The following SAE1 variants were observed in gnomAD, a reference collection of about 807,000 sequenced individuals.
The protein encoded by SAE1 is SUMO1 activating enzyme subunit 1.
Under a neutral mutation model 40.6 loss-of-function variants are expected in SAE1, and 11 were observed. The observed-to-expected ratio is 0.27, with a 90% CI of 0.17 to 0.45. SAE1 has a LOEUF of 0.45. Among genes scored for constraint, SAE1 ranks in the 20% least tolerant of loss-of-function variants. The pLI is 1.00. For missense variants in SAE1, 373 were observed against 427.3 expected, an observed-to-expected ratio of 0.87 and a Z score of 1.12; for synonymous variants, 155 against 154.3, an observed-to-expected ratio of 1.00 and a Z score of -0.03.
intron 6 of SAE1, among the ~76,000 whole-genome samples, chr19:47,182,490 T>C (rs893551271): frequency 2.1e-5 from 3 of 141,334 alleles, no homozygotes; most frequent in South Asian, 2.2e-4. Context: ...TGTGTGTGTG[T>C]GTGTGTGCGC....
chr19:47,134,152 T>C (rs1369149014), intron 1 of SAE1, among the ~76,000 whole-genome samples: 1 of 152,146 alleles, frequency 6.6e-6, no homozygotes, highest in African/African-American at 2.4e-5. Context: ...TGAGCCACCA[T>C]GCCCGGCCTC....
intron 6 of SAE1, among the ~76,000 whole-genome samples, chr19:47,194,623 C>T (rs182949803): frequency 2.6e-5 from 4 of 152,064 alleles, no homozygotes; most frequent in East Asian, 3.9e-4. Flanking sequence ...AGACAAGGCT[C>T]GAGACTGGCT....
intron 2 of SAE1, among the ~76,000 whole-genome samples, chr19:47,144,594 G>C (rs2058243273): frequency 6.6e-6 from 1 of 151,780 alleles, no homozygotes; most frequent in African/African-American, 2.4e-5. Flanking sequence ...AGCTACTCGG[G>C]AGGCTGAGGC....
intron 3 of SAE1, among the ~76,000 whole-genome samples, chr19:47,151,328 T>C (rs950734827): frequency 6.6e-6 from 1 of 151,980 alleles, no homozygotes; most frequent in African/African-American, 2.4e-5. Context: ...TTTTTGTATT[T>C]TTAGTAGAGA....
intron 4 of SAE1, 93 bp from the exon 5 acceptor site, chr19:47,155,021 C>T (rs930977886): frequency 1.3e-6 from 1 of 777,242 alleles, no homozygotes; most frequent in East Asian, 2.5e-5. Context: ...CCCTTAACCA[C>T]CATCCCGATC....
At chr19:47,178,448 C>T (rs1449672321) in intron 6 of SAE1, among the ~76,000 whole-genome samples, 1 of 152,160 alleles carries the variant, frequency 6.6e-6, no homozygotes, top group Non-Finnish European at 1.5e-5. Context: ...AGCCCATTTC[C>T]CAGGTCAAAG....
At chr19:47,174,563 ATTTTTTTTTTTT>A (rs71180803) in intron 6 of SAE1, among the ~76,000 whole-genome samples, 1 of 88,526 alleles carries the variant, frequency 1.1e-5, no homozygotes, top group Non-Finnish European at 2.1e-5. Context: ...CGCCTGGCAA[ATTTTTTTTTTTT>A]TTTTTTTTTT....
intron 2 of SAE1, among the ~76,000 whole-genome samples, chr19:47,146,232 C>A (rs1256257536): frequency 1.3e-5 from 2 of 152,074 alleles, no homozygotes; most frequent in African/African-American, 2.4e-5. Flanking sequence ...GGAAGCCCCA[C>A]TGTAAGCTTT....
At chr19:47,171,489 T>C (rs916790528) in intron 6 of SAE1, among the ~76,000 whole-genome samples, 2 of 151,774 alleles carry the variant, frequency 1.3e-5, no homozygotes, top group Non-Finnish European at 2.9e-5. Flanking sequence ...GGAGTCTCAC[T>C]CTGTTGCCCA....
chr19:47,188,512 A>T (rs1011243163), intron 6 of SAE1, among the ~76,000 whole-genome samples: 3 of 152,216 alleles, frequency 2.0e-5, no homozygotes, highest in Non-Finnish European at 2.9e-5. Flanking sequence ...CTACTGTGTG[A>T]CACAGGTTAC....
chr19:47,154,288 A>G (rs1234496470), intron 4 of SAE1, among the ~76,000 whole-genome samples: 2 of 140,422 alleles, frequency 1.4e-5, no homozygotes, highest in African/African-American at 5.3e-5. Context: ...ACGGGGTTTC[A>G]CTATGTTGGC....
In SAE1 at chr19:47,210,211, C is replaced by G. The variant is rs1204359542; in HGVS notation, c.*960C>G. 6.6e-6 allele frequency: 1 copy of G among 152,148 alleles called. No homozygotes were observed. Among genetic ancestry groups the G allele is most frequent in the East Asian group, 1.9e-4 (1 of 5,198 alleles). The allele number at this position is 152,148 out of a possible 1,614,324, so 9.4% of individuals were successfully genotyped here. On this transcript the variant is annotated 3_prime_UTR_variant, in exon 9 of 9. Transcript: ENST00000270225. ...TTAGGATTTGCTTGTTTTTCTTCCA[C>G]TTCAGAAGCTTCTGAGAGGGAATGG... is the stretch of plus-strand genomic sequence containing the variant.
At chr19:47,161,828 C>T (rs972351546) in intron 5 of SAE1, among the ~76,000 whole-genome samples, 10 of 152,160 alleles carry the variant, frequency 6.6e-5, no homozygotes, top group African/African-American at 2.4e-4. Flanking sequence ...AATTGCTTTG[C>T]ATGCTTTTTA....
chr19:47,187,252 CA>C (rs1309519151), intron 6 of SAE1, among the ~76,000 whole-genome samples: 3 of 152,154 alleles, frequency 2.0e-5, no homozygotes, highest in Admixed American at 2.0e-4. Context: ...CCAGCTATGT[CA>C]CTCCTCTGAG....
intron 5 of SAE1, among the ~76,000 whole-genome samples, chr19:47,168,763 C>G (rs2058412350): frequency 6.6e-6 from 1 of 152,104 alleles, no homozygotes. Context: ...GCCACCACGT[C>G]CAACTAATTT....
intron 2 of SAE1, among the ~76,000 whole-genome samples, chr19:47,147,852 G>C (rs754131483): frequency 6.6e-6 from 1 of 150,958 alleles, no homozygotes; most frequent in Non-Finnish European, 1.5e-5. Flanking sequence ...TCTGCCTCCC[G>C]GGTTCACACC....
intron 2 of SAE1, among the ~76,000 whole-genome samples, chr19:47,147,199 G>GTTTTTTT (rs397859917): frequency 1.6e-5 from 1 of 60,934 alleles, no homozygotes; most frequent in Non-Finnish European, 3.0e-5. Context: ...ATGTGTATGG[G>GTTTTTTT]TTTTTTTTTT....
At chr19:47,165,754 T>G (rs2058388473) in intron 5 of SAE1, among the ~76,000 whole-genome samples, 1 of 152,214 alleles carries the variant, frequency 6.6e-6, no homozygotes. Context: ...TTTTAATTGT[T>G]ATGAGTTAGT....
chr19:47,170,861 TG>T (rs1303862672), intron 6 of SAE1, among the ~76,000 whole-genome samples: 2 of 152,084 alleles, frequency 1.3e-5, no homozygotes, highest in East Asian at 3.9e-4. Context: ...TTATGAAAGG[TG>T]GGGTTGTTTT....
Sources: gnomAD v4.1 joint callset for allele counts (sites outside exome capture counted in the v4.1 genomes callset) on GRCh38, gnomAD v4.1.1 for gene constraint, MANE v1.5 for transcripts, NCBI Gene and HGNC (gene_info 2026-07-23, HGNC 2026-07-21) for gene names.